PRKCZ: variants seen among roughly 807,000 people sequenced by gnomAD.
PRKCZ encodes the protein protein kinase C zeta type.
In PRKCZ, 33 loss-of-function variants were observed where a neutral mutation model predicts 79.5. That is an observed-to-expected ratio of 0.41 (90% CI 0.31 to 0.55). The LOEUF is 0.55. Ranked by LOEUF, PRKCZ falls within the 20% of genes least tolerant of loss-of-function variation. PRKCZ has a pLI of 0.19. For synonymous variants in PRKCZ, 342 were observed against 320.9 expected (o/e 1.07, Z -0.70); for missense variants, 578 against 813.5 (o/e 0.71, Z 3.52).
intron 4 of PRKCZ, among the ~76,000 whole-genome samples, chr1:2,110,281 A>G (rs1328170782): frequency 2.0e-5 from 3 of 152,162 alleles, no homozygotes; most frequent in African/African-American, 7.2e-5. Context: ...CCCAGAGGTG[A>G]GAAACAGAAC....
At position 2,178,183 on chromosome 1, in the gene PRKCZ, G is replaced by A. The variant is rs1685850516; in HGVS notation, c.1575+2870G>A. 6.6e-6 allele frequency among the ~76,000 whole-genome samples: 1 copy of A among 152,184 alleles called. No homozygotes were observed. The highest frequency in any genetic ancestry group is 2.1e-4 in the South Asian group (1 of 4,832). On this transcript the variant is annotated intron_variant, in intron 16 of 17. Transcript: ENST00000378567. The surrounding 1 kb of genome is among the most constrained non-coding windows in gnomAD (Gnocchi z 4.3). The stretch of plus-strand genomic sequence containing the variant: ...TCACTTTCATCACCCTGTACCCAGA[G>A]AAGACCCGAACCCACTCCAGCCTCT...
chr1:2,092,349 G>T (rs1045437523), intron 4 of PRKCZ, among the ~76,000 whole-genome samples: 1 of 152,228 alleles, frequency 6.6e-6, no homozygotes, highest in Non-Finnish European at 1.5e-5. Context: ...TCAGCAGGAC[G>T]GAGTCCGACG....
At chr1:2,138,615 G>A (rs192349354) in intron 5 of PRKCZ, among the ~76,000 whole-genome samples, 1 of 151,992 alleles carries the variant, frequency 6.6e-6, no homozygotes, top group East Asian at 1.9e-4. Context: ...TCCCATCACA[G>A]TAAACGGCAG....
At position 2,173,392 on chromosome 1, in the gene PRKCZ, G is replaced by T. The variant is rs529443405; in HGVS notation, c.1286-505G>T. 6.6e-6 allele frequency among the ~76,000 whole-genome samples: 1 copy of T among 152,180 alleles called. No individual in the cohort carries two copies. Among genetic ancestry groups the T allele is most frequent in the Non-Finnish European group, 1.5e-5 (1 of 68,036 alleles). Reference sequence around the variant, plus strand: ...AGGGACCAGGGGGACTTCCGGGGACGCAGAGACAGCTGCTGTCCTTGGGCA... The same window carrying T: ...AGGGACCAGGGGGACTTCCGGGGACTCAGAGACAGCTGCTGTCCTTGGGCA... On this transcript the variant is annotated intron_variant, in intron 13 of 17. Coordinates refer to ENST00000378567, the MANE Select transcript of PRKCZ (RefSeq NM_002744.6). This position sits in a 1 kb window ranked among gnomAD's most constrained non-coding sequence, Gnocchi z 5.7.
chr1:2,130,461 C>T (rs761036140), intron 4 of PRKCZ, among the ~76,000 whole-genome samples: 1 of 152,182 alleles, frequency 6.6e-6, no homozygotes, highest in Admixed American at 6.5e-5. Flanking sequence ...AACATGATGC[C>T]TGCCCAAAAC....
intron 11 of PRKCZ, among the ~76,000 whole-genome samples, chr1:2,170,480 T>C (rs969174246): frequency 2.3e-5 from 2 of 85,648 alleles, no homozygotes; most frequent in Non-Finnish European, 4.5e-5. Flanking sequence ...AACGCTGTTT[T>C]TAAAAACTGT....
intron 4 of PRKCZ, among the ~76,000 whole-genome samples, chr1:2,070,212 C>T (rs892642679): frequency 3.3e-5 from 5 of 152,038 alleles, no homozygotes; most frequent in South Asian, 2.1e-4. Context: ...ATGGCATACC[C>T]GGGCAGCGGG....
chr1:2,052,951 C>T (rs561162613), intron 1 of PRKCZ, among the ~76,000 whole-genome samples: 1 of 152,210 alleles, frequency 6.6e-6, no homozygotes, highest in Non-Finnish European at 1.5e-5. Context: ...GAGATCCAAT[C>T]CTCGCCACCC....
upstream of PRKCZ, chr1:2,049,656 T>A (rs868688583): frequency 6.6e-6 from 1 of 152,184 alleles, no homozygotes; most frequent in African/African-American, 2.4e-5. Flanking sequence ...ATGCAGCCAG[T>A]AAGGGATGGG....
intron 9 of PRKCZ, among the ~76,000 whole-genome samples, chr1:2,152,444 A>G (rs1011909428): frequency 1.3e-5 from 2 of 152,168 alleles, no homozygotes; most frequent in African/African-American, 4.8e-5. Flanking sequence ...AGACAGGAGA[A>G]TCGCTTGAAC....
chr1:2,077,520 A>T (rs78305720), intron 4 of PRKCZ, among the ~76,000 whole-genome samples: 1 of 152,232 alleles, frequency 6.6e-6, no homozygotes, highest in Non-Finnish European at 1.5e-5. Flanking sequence ...TGTCCTGGTC[A>T]GGAAATTGTG....
intron 4 of PRKCZ, among the ~76,000 whole-genome samples, chr1:2,119,411 C>T (rs892504322): frequency 2.0e-5 from 3 of 152,054 alleles, no homozygotes; most frequent in African/African-American, 7.2e-5. Context: ...GGCAGGGTTT[C>T]ACCATATTGA....
intron 1 of PRKCZ, 41 bp downstream of exon 1, chr1:2,050,742 G>T: frequency 9.6e-7 from 1 of 1,042,030 alleles, no homozygotes; most frequent in South Asian, 4.8e-5. Context: ...GGGTGAGGCA[G>T]GGAGGGCGGG....
chr1:2,110,805 T>C (rs1669586280), intron 4 of PRKCZ, among the ~76,000 whole-genome samples: 1 of 150,750 alleles, frequency 6.6e-6, no homozygotes, highest in South Asian at 2.1e-4. Context: ...GTGGAGTCCC[T>C]GTGGGGGGCA....
intron 4 of PRKCZ, among the ~76,000 whole-genome samples, chr1:2,099,636 A>T (rs1300929981): frequency 6.6e-6 from 1 of 152,140 alleles, no homozygotes; most frequent in Non-Finnish European, 1.5e-5. Flanking sequence ...CTGTGGCTGT[A>T]GGTGTGGGTG....
chr1:2,139,278 A>G (rs746895989), intron 5 of PRKCZ, among the ~76,000 whole-genome samples: 51 of 152,168 alleles, frequency 3.4e-4, no homozygotes, highest in Non-Finnish European at 6.5e-4. Flanking sequence ...TTCTCTGTCA[A>G]CATCAAAGAT....
At position 2,149,179 on chromosome 1, in the gene PRKCZ, G is replaced by A. The variant is rs1415154701; in HGVS notation, c.687+255G>A. The stretch of plus-strand genomic sequence containing the variant: ...GACCACACCCTGCGGGGGAAGCCGT[G>A]CCCCACATCCTCTCCATTCAGGTGG... On this transcript the variant is annotated intron_variant, in intron 8 of 17. Coordinates refer to ENST00000378567, the MANE Select transcript of PRKCZ (RefSeq NM_002744.6). This position sits in a 1 kb window ranked among gnomAD's most constrained non-coding sequence, Gnocchi z 4.1. Among the ~76,000 whole-genome samples, 1 of 152,192 alleles carries A rather than the reference G, an allele frequency of 6.6e-6. No individual in the cohort carries two copies. Among genetic ancestry groups the A allele is most frequent in the Non-Finnish European group, 1.5e-5 (1 of 68,040 alleles).
rs1211131715 is a variant in PRKCZ, at chr1:2,055,456, C to T, written c.87C>T (p.Thr29=). The stretch of plus-strand genomic sequence containing the variant: ...TCTGCCCCAGGGACATCTTCATCAC[C>T]AGCGTGGACGCCGCCACGACCTTCG... The part of the protein sequence containing the change: ...KAHYGGDIFI[T]SVDAATTFEE... Residue 29 remains threonine, a synonymous_variant, in exon 2 of 18, where the codon ACC becomes ACT. Coordinates refer to ENST00000378567, the MANE Select transcript of PRKCZ (RefSeq NM_002744.6). 1 of 1,613,260 alleles carries T rather than the reference C, an allele frequency of 6.2e-7. No individual in the cohort carries two copies. The highest frequency in any genetic ancestry group is 1.7e-5 in the Admixed American group (1 of 59,902).
At chr1:2,142,712 ATG>A (rs1677629741) in intron 5 of PRKCZ, 1 of 163,044 alleles carries the variant, frequency 6.1e-6, no homozygotes, top group Non-Finnish European at 1.3e-5. Flanking sequence ...GCGATGATGC[ATG>A]TGTGTTTTCT....
Sources: gnomAD v4.1 joint callset for allele counts (sites outside exome capture counted in the v4.1 genomes callset) on GRCh38, gnomAD v4.1.1 for gene constraint, Gnocchi (gnomAD v3.1) non-coding constraint, MANE v1.5 for transcripts, NCBI Gene and HGNC (gene_info 2026-07-23, HGNC 2026-07-21) for gene names.